PTPRM: variants seen among roughly 807,000 people sequenced by gnomAD.
PTPRM encodes protein tyrosine phosphatase receptor type M, also known as receptor-type tyrosine-protein phosphatase mu.
A neutral mutation model predicts 186.7 loss-of-function variants in PTPRM; 47 were observed. The observed-to-expected ratio is 0.25, with a 90% confidence interval of 0.20 to 0.32. The LOEUF (loss-of-function observed/expected upper bound fraction) is 0.32. Among genes scored for constraint, PTPRM ranks in the 10% least tolerant of loss-of-function variants. The probability of loss-of-function intolerance (pLI) is 1.00; values close to 1 mark genes in which losing one functional copy is unlikely to be tolerated. For missense variants in PTPRM, 1,494 were observed against 1,865.0 expected, an observed-to-expected ratio of 0.80 and a Z score of 3.66; for synonymous variants, 668 against 674.9, an observed-to-expected ratio of 0.99 and a Z score of 0.16.
chr18:8,219,336 G>T (rs2094127514), intron 14 of PTPRM, among the ~76,000 whole-genome samples: 1 of 152,028 alleles, frequency 6.6e-6, no homozygotes, highest in African/African-American at 2.4e-5. Context: ...GCGTGGTGGA[G>T]GACGCCTGTA....
intron 14 of PTPRM, among the ~76,000 whole-genome samples, chr18:8,157,514 A>G (rs2093147380): frequency 6.6e-6 from 1 of 152,182 alleles, no homozygotes; most frequent in Non-Finnish European, 1.5e-5. Context: ...GAAGCTAGCT[A>G]GGAACACAGC....
rs115602101 is a variant in PTPRM at position 8,306,639 on chromosome 18, A to G, written c.2843-8142A>G. ...AACCACAAAACTGATTGAATTCTAC[A>G]GATCTTATGCCTAGGCAGTTGAGTT... On this transcript the variant is annotated intron_variant, in intron 20 of 32. Transcript: ENST00000580170. Among the ~76,000 whole-genome samples, 937 of 152,332 alleles carry G rather than the reference A, an allele frequency of 6.2e-3. 5 individuals carry two copies. The highest frequency in any genetic ancestry group is 0.02 in the African/African-American group (845 of 41,574).
chr18:7,985,074 CATATATAAATATAT>C (rs2082839545), intron 7 of PTPRM, among the ~76,000 whole-genome samples: 1 of 126,444 alleles, frequency 7.9e-6, no homozygotes, highest in Non-Finnish European at 1.6e-5. Context: ...ATTGTATATA[CATATATAAATATAT>C]ACATATAATT....
At chr18:7,983,221 C>T (rs1036842699) in intron 7 of PTPRM, among the ~76,000 whole-genome samples, 21 of 152,002 alleles carry the variant, frequency 1.4e-4, no homozygotes, top group African/African-American at 5.1e-4. Context: ...TCAGCAGCGG[C>T]CATTAGATTT....
rs193001713 is a variant in PTPRM, at chr18:8,347,587, G to A, written c.3054+4067G>A. Among the ~76,000 whole-genome samples the A allele has an allele frequency of 1.7e-3, 261 of 152,276 alleles. 1 individual carries two copies. The highest frequency in any genetic ancestry group is 5.9e-3 in the African/African-American group (246 of 41,570). The stretch of plus-strand genomic sequence containing the variant: ...ATGAAAATGCTATGCAGTGGTGGTC[G>A]CTGTTCCTTCCATCAGGCACCTGGA... On this transcript the variant is annotated intron_variant, in intron 23 of 32. Coordinates refer to ENST00000580170, the MANE Select transcript of PTPRM (RefSeq NM_001105244.2).
intron 11 of PTPRM, among the ~76,000 whole-genome samples, chr18:8,098,681 C>T (rs1188149466): frequency 6.6e-6 from 1 of 152,088 alleles, no homozygotes; most frequent in Non-Finnish European, 1.5e-5. Flanking sequence ...CAGATCCAAT[C>T]AGGAAGGTCA....
chr18:7,677,047 G>A (rs2039361038), intron 1 of PTPRM, among the ~76,000 whole-genome samples: 1 of 152,088 alleles, frequency 6.6e-6, no homozygotes, highest in African/African-American at 2.4e-5. Flanking sequence ...TTTTTTTAGA[G>A]CTGACACTTT....
chr18:7,600,823 G>A (rs945405461), intron 1 of PTPRM, among the ~76,000 whole-genome samples: 1 of 152,188 alleles, frequency 6.6e-6, no homozygotes, highest in African/African-American at 2.4e-5. Flanking sequence ...AAGACGCTGC[G>A]CCCCTCAGTT....
At chr18:8,182,851 C>G (rs2093594689) in intron 14 of PTPRM, among the ~76,000 whole-genome samples, 1 of 152,232 alleles carries the variant, frequency 6.6e-6, no homozygotes, top group African/African-American at 2.4e-5. Context: ...AGTGCTGTGA[C>G]TGCTCTGATG....
intron 19 of PTPRM, among the ~76,000 whole-genome samples, chr18:8,262,219 G>A (rs1279402899): frequency 6.6e-6 from 1 of 152,128 alleles, no homozygotes; most frequent in Non-Finnish European, 1.5e-5. Context: ...TCACTTGTCT[G>A]TGCCATCGGA....
intron 1 of PTPRM, among the ~76,000 whole-genome samples, chr18:7,732,707 A>G (rs1378545563): frequency 2.0e-5 from 3 of 151,880 alleles, no homozygotes; most frequent in Non-Finnish European, 4.4e-5. Flanking sequence ...GAGTCTCACT[A>G]TTGCCCAGGC....
intron 14 of PTPRM, among the ~76,000 whole-genome samples, chr18:8,179,400 T>C (rs1463825584): frequency 1.3e-5 from 2 of 152,188 alleles, no homozygotes; most frequent in Non-Finnish European, 2.9e-5. Flanking sequence ...TAACTCCTGT[T>C]CTACTTGATA....
chr18:8,259,022 C>A (rs983318516), intron 19 of PTPRM, among the ~76,000 whole-genome samples: 1 of 152,050 alleles, frequency 6.6e-6, no homozygotes, highest in Admixed American at 6.5e-5. Flanking sequence ...ACAATCTCAG[C>A]TCACTGCAAC....
At chr18:7,616,621 C>T (rs1322366190) in intron 1 of PTPRM, among the ~76,000 whole-genome samples, 1 of 152,208 alleles carries the variant, frequency 6.6e-6, no homozygotes, top group Non-Finnish European at 1.5e-5. Context: ...TCCCCACTAC[C>T]AGCCCGGGCA....
intron 11 of PTPRM, among the ~76,000 whole-genome samples, chr18:8,097,119 C>T (rs1393472951): frequency 1.3e-5 from 2 of 152,166 alleles, no homozygotes; most frequent in Non-Finnish European, 2.9e-5. Context: ...CTCAATGTAA[C>T]TATTTATTAT....
At chr18:7,571,790 C>T (rs1410669233) in intron 1 of PTPRM, among the ~76,000 whole-genome samples, 1 of 152,108 alleles carries the variant, frequency 6.6e-6, no homozygotes, top group Non-Finnish European at 1.5e-5. Context: ...TAATTCTGCT[C>T]TGTGAATGTA....
chr18:7,770,028 A>G (rs2042203004), intron 1 of PTPRM, among the ~76,000 whole-genome samples: 1 of 152,186 alleles, frequency 6.6e-6, no homozygotes, highest in Admixed American at 6.5e-5. Context: ...AAACATGAAT[A>G]ATTTACTTTG....
intron 23 of PTPRM, among the ~76,000 whole-genome samples, chr18:8,354,764 A>G (rs1486950148): frequency 6.6e-6 from 1 of 152,180 alleles, no homozygotes; most frequent in African/African-American, 2.4e-5. Flanking sequence ...GGTACGTACC[A>G]AGTTCCCATG....
At chr18:7,735,921 T>C (rs774787277) in intron 1 of PTPRM, among the ~76,000 whole-genome samples, 14 of 152,144 alleles carry the variant, frequency 9.2e-5, no homozygotes, top group Non-Finnish European at 2.1e-4. Flanking sequence ...AGGAAATCTT[T>C]GAATCCTTCT....
Sources: gnomAD v4.1 joint callset for allele counts (sites outside exome capture counted in the v4.1 genomes callset) on GRCh38, gnomAD v4.1.1 for gene constraint, MANE v1.5 for transcripts, NCBI Gene and HGNC (gene_info 2026-07-23, HGNC 2026-07-21) for gene names.